TRIM43B: variants seen among roughly 807,000 people sequenced by gnomAD.
TRIM43B encodes the protein tripartite motif containing 43B.
In TRIM43B, 15 loss-of-function variants were observed where a neutral mutation model predicts 27.0. That is an observed-to-expected ratio of 0.55 (90% CI 0.37 to 0.85). TRIM43B has a LOEUF of 0.85. TRIM43B is among the 40% of genes least tolerant of loss of function. The pLI is 0.00. For synonymous variants in TRIM43B, 69 were observed against 97.8 expected (o/e 0.71, Z 1.74); for missense variants, 172 against 289.8 (o/e 0.59, Z 2.95).
At chr2:95,482,203 T>G in intron 2 of TRIM43B, 101 bp downstream of exon 2, 2 of 1,169,348 alleles carry the variant, frequency 1.7e-6, no homozygotes, top group South Asian at 3.3e-5. Flanking sequence ...CACCTGGCAC[T>G]CAGTAAAGAA....
At chr2:95,484,195 C>G (rs62155085) in intron 1 of TRIM43B, among the ~76,000 whole-genome samples, 1 of 151,464 alleles carries the variant, frequency 6.6e-6, no homozygotes, top group Non-Finnish European at 1.5e-5. Context: ...ATAATGAAAC[C>G]CCGTCTCTAC....
intron 1 of TRIM43B, among the ~76,000 whole-genome samples, chr2:95,484,296 T>C (rs910685268): frequency 1.3e-5 from 2 of 151,878 alleles, no homozygotes; most frequent in African/African-American, 4.8e-5. Flanking sequence ...CGTTTGAACC[T>C]GGAAGGCGGA....
chr2:95,484,067 T>TAA (rs1558814836), intron 1 of TRIM43B, among the ~76,000 whole-genome samples: 2 of 109,510 alleles, frequency 1.8e-5, no homozygotes, highest in East Asian at 2.6e-4. Flanking sequence ...TTATATAAAT[T>TAA]TAAAAAAAAA....
At chr2:95,484,139 G>C (rs1683595432) in intron 1 of TRIM43B, among the ~76,000 whole-genome samples, 1 of 151,076 alleles carries the variant, frequency 6.6e-6, no homozygotes, top group African/African-American at 2.4e-5. Flanking sequence ...CAGAGGCCGA[G>C]GTGAACGGAT....
chr2:95,480,554 T>G lies in TRIM43B; in HGVS notation c.508-19A>C. 1.2e-6 allele frequency: 2 copies of G among 1,604,644 alleles called. No homozygotes were observed. The highest frequency in any genetic ancestry group is 1.7e-6 in the Non-Finnish European group (2 of 1,176,342). On this transcript the variant is annotated intron_variant, in intron 3 of 6. Transcript: ENST00000639673. ...CATCGCCCTGTAGGGATATGAATTTTGTAGGTTATATACCCAGGCCTACTT... is the reference window on the plus strand; with the variant it reads ...CATCGCCCTGTAGGGATATGAATTTGGTAGGTTATATACCCAGGCCTACTT...
At chr2:95,482,703 G>A (rs1683557008) in exon 2 of TRIM43B, 1 of 1,613,570 alleles carries the variant, frequency 6.2e-7, no homozygotes, top group East Asian at 2.2e-5. Flanking sequence ...CATGTGAGAA[G>A]TCTGAGTCCA....
chr2:95,483,463 A>G (rs1370348023), intron 1 of TRIM43B, among the ~76,000 whole-genome samples: 1 of 152,132 alleles, frequency 6.6e-6, no homozygotes, highest in Non-Finnish European at 1.5e-5. Flanking sequence ...AAAGATAATG[A>G]TAATTGAAGC....
At chr2:95,484,233 G>A (rs989220344) in intron 1 of TRIM43B, among the ~76,000 whole-genome samples, 1 of 151,936 alleles carries the variant, frequency 6.6e-6, no homozygotes, top group African/African-American at 2.4e-5. Context: ...TTAGATGGGC[G>A]TGGTGGCAGG....
chr2:95,483,901 T>C (rs1683586786), intron 1 of TRIM43B, among the ~76,000 whole-genome samples: 1 of 151,778 alleles, frequency 6.6e-6, no homozygotes, highest in South Asian at 2.1e-4. Flanking sequence ...TATGTTTTGC[T>C]AAAATACAAA....
chr2:95,481,578 C>T lies in TRIM43B; in HGVS notation c.507+17G>A. 6.2e-7 allele frequency: 1 copy of T among 1,600,310 alleles called. No individual in the cohort carries two copies. Among genetic ancestry groups the T allele is most frequent in the Non-Finnish European group, 8.5e-7 (1 of 1,174,076 alleles). On this transcript the variant is annotated intron_variant, in intron 3 of 6. Coordinates refer to ENST00000639673, the Ensembl canonical transcript of TRIM43B. ...CTGTCTCAAGCTGGTCAGGAGGACT[C>T]ACGGTCTCATACTTACCCTCAAGAG...
At chr2:95,481,569 A>G in intron 3 of TRIM43B, 26 bp downstream of exon 3, 1 of 1,586,182 alleles carries the variant, frequency 6.3e-7, no homozygotes, top group Non-Finnish European at 8.6e-7. Context: ...CAAGCTGGTC[A>G]GGAGGACTCA....
intron 1 of TRIM43B, among the ~76,000 whole-genome samples, chr2:95,483,432 GA>G (rs1683574013): frequency 6.7e-6 from 1 of 149,384 alleles, no homozygotes; most frequent in Non-Finnish European, 1.5e-5. Context: ...TTAAAAGACA[GA>G]CAATTAATTC....
chr2:95,481,972 G>A (rs1245753924), intron 2 of TRIM43B, among the ~76,000 whole-genome samples: 5 of 151,598 alleles, frequency 3.3e-5, no homozygotes, highest in African/African-American at 1.2e-4. Context: ...ATTTTGTAGT[G>A]TGCTACTCCC....
chr2:95,483,243 C>G (rs2104402571), intron 1 of TRIM43B, among the ~76,000 whole-genome samples: 1 of 152,210 alleles, frequency 6.6e-6, no homozygotes, highest in East Asian at 1.9e-4. Context: ...AAAAAGCCAG[C>G]CTTTACTCTC....
At chr2:95,480,883 T>G (rs992619695) in intron 3 of TRIM43B, among the ~76,000 whole-genome samples, 1 of 151,934 alleles carries the variant, frequency 6.6e-6, no homozygotes, top group Non-Finnish European at 1.5e-5. Context: ...TCACTCTTAG[T>G]AGAAATGTTT....
chr2:95,483,939 T>G (rs1016214304), intron 1 of TRIM43B, among the ~76,000 whole-genome samples: 1 of 151,748 alleles, frequency 6.6e-6, no homozygotes, highest in Non-Finnish European at 1.5e-5. Flanking sequence ...CCAGGGAAGG[T>G]GACTCAAGCC....
rs572327295 is a variant in TRIM43B at position 95,480,231 on chromosome 2, T to C, written c.738+74A>G. On this transcript the variant is annotated intron_variant, in intron 4 of 6. Coordinates refer to ENST00000639673, the Ensembl canonical transcript of TRIM43B. The stretch of plus-strand genomic sequence containing the variant: ...GCAGGAGATGAGGAAATAATGTCTT[T>C]GGTACCCAATGGAAGGCAAAGATGT... 2.7e-6 allele frequency: 4 copies of C among 1,498,446 alleles called. No homozygotes were observed. The African/African-American group carries it at 5.6e-5, about 21-fold the overall frequency. 92.8% of individuals were successfully genotyped at this position (1,498,446 alleles called of 1,614,324 possible). A position where few individuals can be genotyped will look rare whatever the true frequency, so the allele number is the denominator to read the frequency against.
chr2:95,480,517 C>T (rs1224663887), exon 4 of TRIM43B: 5 of 1,608,022 alleles, frequency 3.1e-6, no homozygotes, highest in Non-Finnish European at 4.2e-6. Context: ...ATCATCTGTG[C>T]CCGTAAAACC....
rs1252264106 is a variant in TRIM43B, at chr2:95,482,309, C to G, written c.406G>C (p.Asp136His). 8.4e-4 allele frequency: 1,349 copies of G among 1,611,244 alleles called. 8 individuals carry two copies. The highest frequency in any genetic ancestry group is 5.2e-3 in the African/African-American group (385 of 74,712). ...ATCACAGAGCTATCTCTTACCCGGT[C>G]TTCCTCAGCTGCCTCTTCGATGGGA... The change falls in exon 2 of 7, where the codon GAC becomes CAC. Residue 136 changes from aspartate (D) to histidine (H), a missense_variant. Physicochemically the swap from Asp to His is moderately conservative, Grantham distance 81. Around this residue, in one of 3 missense-constraint regions of TRIM43B, gnomAD observed 67 missense variants for 66.4 expected, o/e 1.01. Coordinates refer to ENST00000639673, the Ensembl canonical transcript of TRIM43B.
Sources: allele counts gnomAD v4.1 joint callset (sites outside exome capture counted in the v4.1 genomes callset), GRCh38; gene constraint gnomAD v4.1.1; regional missense constraint gnomAD v4.1.1; transcripts MANE v1.5; gene names NCBI Gene and HGNC (gene_info 2026-07-23, HGNC 2026-07-21).